EBF1: variants seen among roughly 807,000 people sequenced by gnomAD.
EBF1 encodes transcription factor COE1.
In EBF1, 10 loss-of-function variants were observed where a neutral mutation model predicts 68.4. The observed-to-expected ratio is 0.15, with a 90% confidence interval of 0.09 to 0.25. EBF1 has a LOEUF of 0.25. Among genes scored for constraint, EBF1 ranks in the 10% least tolerant of loss-of-function variants. EBF1 has a pLI of 1.00. For synonymous variants in EBF1, 298 were observed against 299.8 expected (o/e 0.99, Z 0.06); for missense variants, 509 against 794.4 (o/e 0.64, Z 4.32).
intron 15 of EBF1, chr5:158,707,696 G>C (rs1238655615): frequency 2.3e-6 from 1 of 430,490 alleles, no homozygotes; most frequent in African/African-American, 1.9e-5. Context: ...CTGTTAGTCA[G>C]TAGAAACAGT....
chr5:159,086,705 C>A (rs373729727), intron 4 of EBF1, among the ~76,000 whole-genome samples: 11 of 152,070 alleles, frequency 7.2e-5, no homozygotes, highest in African/African-American at 2.7e-4. Context: ...TAAGGTAGTG[C>A]TTGCTATCAG....
intron 10 of EBF1, among the ~76,000 whole-genome samples, chr5:158,764,510 G>A (rs562438455): frequency 9.9e-5 from 15 of 152,082 alleles, no homozygotes; most frequent in African/African-American, 2.2e-4. Flanking sequence ...ATCTCACTCC[G>A]TGCTGGGCAC....
intron 13 of EBF1, among the ~76,000 whole-genome samples, 164 bp from the exon 14 acceptor site, chr5:158,712,497 T>C (rs1759619798): frequency 6.6e-6 from 1 of 152,168 alleles, no homozygotes; most frequent in Non-Finnish European, 1.5e-5. Flanking sequence ...AGCTCTGTGA[T>C]TAAAATGGGA....
chr5:159,074,951 T>C (rs531146153), intron 5 of EBF1, among the ~76,000 whole-genome samples: 11 of 152,302 alleles, frequency 7.2e-5, no homozygotes, highest in Admixed American at 6.5e-5. Context: ...CAGTGGAAAG[T>C]ACAAGCAGTT....
At chr5:158,873,374 G>A (rs1797240786) in intron 6 of EBF1, among the ~76,000 whole-genome samples, 1 of 152,130 alleles carries the variant, frequency 6.6e-6, no homozygotes, top group Non-Finnish European at 1.5e-5. Context: ...TCTCTAGAGT[G>A]ATTCGCCACA....
chr5:159,064,912 T>C (rs1486545514), intron 6 of EBF1, among the ~76,000 whole-genome samples: 4 of 143,492 alleles, frequency 2.8e-5, no homozygotes, highest in Non-Finnish European at 3.0e-5. Context: ...TTTTTTTTTT[T>C]TTTTTTTTTT....
intron 5 of EBF1, among the ~76,000 whole-genome samples, chr5:159,076,352 A>G (rs1326462174): frequency 6.6e-6 from 1 of 152,150 alleles, no homozygotes; most frequent in Non-Finnish European, 1.5e-5. Context: ...GATGGAAGGA[A>G]GGTGCACCTC....
chr5:158,712,678 G>C (rs1402038033), intron 13 of EBF1, among the ~76,000 whole-genome samples: 1 of 152,104 alleles, frequency 6.6e-6, no homozygotes, highest in Non-Finnish European at 1.5e-5. Context: ...GATGTGCTTT[G>C]GGCCCTCAAA....
Position 158,854,777 on chromosome 5 carries a change from T to G in EBF1, c.555-14667A>C, listed in dbSNP as rs112226026. On this transcript the variant is annotated intron_variant, in intron 6 of 15. Coordinates refer to ENST00000313708, the MANE Select transcript of EBF1 (RefSeq NM_024007.5). The stretch of plus-strand genomic sequence containing the variant: ...ACCCAGCACAAACAAGTTTTTTCCC[T>G]TCCTACATTTAATGGGAGGACCCTT... 3.2e-3 allele frequency among the ~76,000 whole-genome samples: 486 copies of G among 152,302 alleles called. 1 individual carries two copies. The highest frequency in any genetic ancestry group is 6.2e-3 in the Non-Finnish European group (419 of 68,022).
chr5:158,709,147 C>T (rs1416732800), intron 14 of EBF1, among the ~76,000 whole-genome samples: 1 of 152,154 alleles, frequency 6.6e-6, no homozygotes, highest in East Asian at 1.9e-4. Context: ...TTCATACACT[C>T]GCTTTCTATT....
Position 159,073,550 on chromosome 5 carries a change from T to C in EBF1, c.486-86A>G, listed in dbSNP as rs114309605. 975 of 1,442,780 alleles carry C rather than the reference T, an allele frequency of 6.8e-4. 8 individuals are homozygous for C. The African/African-American group carries it at 0.012, about 17-fold the overall frequency. 89.4% of individuals were successfully genotyped at this position (1,442,780 alleles called of 1,614,324 possible). A position where few individuals can be genotyped will look rare whatever the true frequency, so the allele number is the denominator to read the frequency against. ...CAGACAGAAGGCTCAAATTGCTGGG[T>C]TGCAAATGCTAGAATTACCACAAAG... On this transcript the variant is annotated intron_variant, in intron 5 of 15. Transcript: ENST00000313708.
chr5:158,844,069 A>G (rs1790886311), intron 6 of EBF1, among the ~76,000 whole-genome samples: 2 of 152,056 alleles, frequency 1.3e-5, no homozygotes, highest in Non-Finnish European at 2.9e-5. Flanking sequence ...GCCTTACCCC[A>G]ACTGTGGGAA....
chr5:159,021,360 A>C (rs187097323), intron 6 of EBF1, among the ~76,000 whole-genome samples: 1 of 152,210 alleles, frequency 6.6e-6, no homozygotes, highest in Non-Finnish European at 1.5e-5. Flanking sequence ...ATTATGAATC[A>C]CTCTTCTTTC....
At chr5:159,004,290 A>C (rs1400113407) in intron 6 of EBF1, among the ~76,000 whole-genome samples, 1 of 152,050 alleles carries the variant, frequency 6.6e-6, no homozygotes, top group African/African-American at 2.4e-5. Flanking sequence ...AAAAAAAAAA[A>C]AAAACTGCTT....
intron 6 of EBF1, among the ~76,000 whole-genome samples, chr5:159,028,135 G>C (rs1213299814): frequency 2.0e-5 from 3 of 152,168 alleles, no homozygotes; most frequent in African/African-American, 7.2e-5. Context: ...CTAGATGAAA[G>C]AGCATCCTCC....
intron 6 of EBF1, among the ~76,000 whole-genome samples, chr5:158,886,280 C>T (rs1475229456): frequency 1.3e-5 from 2 of 152,246 alleles, no homozygotes; most frequent in Admixed American, 6.5e-5. Flanking sequence ...ACGCTCCTTG[C>T]ATTGGCAAAT....
intron 10 of EBF1, among the ~76,000 whole-genome samples, chr5:158,738,383 T>G (rs1322186135): frequency 6.6e-6 from 1 of 152,220 alleles, no homozygotes; most frequent in African/African-American, 2.4e-5. Flanking sequence ...TTCATAAAAT[T>G]TATGCCAATT....
intron 6 of EBF1, among the ~76,000 whole-genome samples, chr5:158,874,648 A>T (rs1797479093): frequency 6.6e-6 from 1 of 152,144 alleles, no homozygotes; most frequent in Non-Finnish European, 1.5e-5. Context: ...TAGAACGATC[A>T]TTCTGAGATC....
In EBF1 at chr5:158,697,603, A is replaced by G. The variant is rs1220273263; in HGVS notation, c.*1508T>C. The G allele has an allele frequency of 4.4e-5, 9 of 204,804 alleles. No individual in the cohort carries two copies. Among genetic ancestry groups the G allele is most frequent in the Non-Finnish European group, 8.0e-5 (8 of 99,970 alleles). 12.7% of individuals were successfully genotyped at this position (204,804 alleles called of 1,614,324 possible). A position where few individuals can be genotyped will look rare whatever the true frequency, so the allele number is the denominator to read the frequency against. On this transcript the variant is annotated 3_prime_UTR_variant, in exon 16 of 16. Transcript: ENST00000313708. ...TTTACAAAATCCCCTTTAAAACAAA[A>G]AGCCTTTTAATTAACTTTGCAAGTA...
Sources: allele counts gnomAD v4.1 joint callset (sites outside exome capture counted in the v4.1 genomes callset), GRCh38; gene constraint gnomAD v4.1.1; transcripts MANE v1.5; gene names NCBI Gene and HGNC (gene_info 2026-07-23, HGNC 2026-07-21).